The following LCLAT1 variants were observed in gnomAD, a reference collection of about 807,000 sequenced individuals.
The protein encoded by LCLAT1 is lysocardiolipin acyltransferase 1, also known as 1-AGP acyltransferase 8.
Under a neutral mutation model 30.7 loss-of-function variants are expected in LCLAT1, and 11 were observed. The ratio of observed to expected loss-of-function variants is 0.36; its 90% CI spans 0.23 to 0.59. LCLAT1 has a LOEUF of 0.59. Among genes scored for constraint, LCLAT1 ranks in the 20% least tolerant of loss-of-function variants. The pLI is 0.77. For synonymous variants in LCLAT1, 155 were observed against 151.3 expected (o/e 1.02, Z -0.18); for missense variants, 402 against 458.6 (o/e 0.88, Z 1.13).
At chr2:30,460,175 G>A (rs1465432482) in intron 1 of LCLAT1, among the ~76,000 whole-genome samples, 2 of 152,254 alleles carry the variant, frequency 1.3e-5, no homozygotes, top group East Asian at 1.9e-4. Flanking sequence ...GGAGTCCAGC[G>A]GGGGTTCATC....
intron 5 of LCLAT1, among the ~76,000 whole-genome samples, chr2:30,601,594 A>G (rs1667185610): frequency 6.6e-6 from 1 of 152,174 alleles, no homozygotes; most frequent in Non-Finnish European, 1.5e-5. Flanking sequence ...AAATACTTTC[A>G]GTATTCACAT....
At chr2:30,463,094 C>T (rs1682244976) in intron 1 of LCLAT1, among the ~76,000 whole-genome samples, 1 of 151,920 alleles carries the variant, frequency 6.6e-6, no homozygotes. Flanking sequence ...GCAAGATCCT[C>T]TCTCTTAATA....
intron 1 of LCLAT1, among the ~76,000 whole-genome samples, chr2:30,496,681 C>T (rs1572526871): frequency 6.6e-6 from 1 of 152,080 alleles, no homozygotes; most frequent in African/African-American, 2.4e-5. Flanking sequence ...AGTGTTAAGC[C>T]TAGCATCCTC....
chr2:30,458,823 A>C (rs1045532355), intron 1 of LCLAT1, among the ~76,000 whole-genome samples: 1 of 152,200 alleles, frequency 6.6e-6, no homozygotes, highest in African/African-American at 2.4e-5. Context: ...ATTCCCAGCT[A>C]CTATGCCATT....
chr2:30,618,210 C>G lies in LCLAT1; in HGVS notation c.629-21907C>G, dbSNP rs547485246. On this transcript the variant is annotated intron_variant, in intron 5 of 5. Coordinates refer to ENST00000379509, the MANE Select transcript of LCLAT1 (RefSeq NM_001002257.3). ...GAAATGAGCAGCTAATGCCAAGCCT[C>G]CATCTTTTTCTTTTTCAAAATTGTT... Among the ~76,000 whole-genome samples the G allele has an allele frequency of 3.9e-5, 6 of 152,182 alleles. No individual in the cohort carries two copies. The Middle Eastern group carries it at 0.01, about 259-fold the overall frequency.
chr2:30,571,460 C>T (rs1222130915), intron 5 of LCLAT1, among the ~76,000 whole-genome samples: 1 of 152,162 alleles, frequency 6.6e-6, no homozygotes, highest in Admixed American at 6.6e-5. Context: ...GCTTAGTCTT[C>T]AGTAGCATTG....
At chr2:30,487,715 G>C (rs1332707733) in intron 1 of LCLAT1, among the ~76,000 whole-genome samples, 6 of 152,190 alleles carry the variant, frequency 3.9e-5, no homozygotes, top group Non-Finnish European at 5.9e-5. Flanking sequence ...ACATGATGCT[G>C]GTGTTGTAAT....
chr2:30,616,360 C>G (rs957274484), intron 5 of LCLAT1, among the ~76,000 whole-genome samples: 34 of 152,094 alleles, frequency 2.2e-4, no homozygotes, highest in African/African-American at 8.2e-4. Flanking sequence ...GTAATATTTG[C>G]TCTGAGTTTT....
chr2:30,548,149 G>A (rs1477038148), intron 3 of LCLAT1, among the ~76,000 whole-genome samples: 2 of 152,094 alleles, frequency 1.3e-5, no homozygotes. Context: ...TTGCTTGGCC[G>A]AGATGAGTTT....
chr2:30,588,664 G>A lies in LCLAT1; in HGVS notation c.628+20488G>A, dbSNP rs147821077. ...TACAGCCAGCCTGTACTGATGGCAC[G>A]ATCTCAGCTCACTGCAACCTCCGTC... is the stretch of plus-strand genomic sequence containing the variant. On this transcript the variant is annotated intron_variant, in intron 5 of 5. Coordinates refer to ENST00000379509, the MANE Select transcript of LCLAT1 (RefSeq NM_001002257.3). 1.8e-3 allele frequency among the ~76,000 whole-genome samples: 276 copies of A among 152,130 alleles called. 1 individual carries two copies. Among genetic ancestry groups the A allele is most frequent in the African/African-American group, 6.2e-3 (258 of 41,500 alleles).
At chr2:30,614,467 C>A (rs924900310) in intron 5 of LCLAT1, among the ~76,000 whole-genome samples, 13 of 151,916 alleles carry the variant, frequency 8.6e-5, no homozygotes, top group African/African-American at 3.1e-4. Flanking sequence ...TTTGATGGGT[C>A]GGGTGTGGAG....
chr2:30,582,439 G>T (rs973968870), intron 5 of LCLAT1, among the ~76,000 whole-genome samples: 1 of 152,174 alleles, frequency 6.6e-6, no homozygotes, highest in Non-Finnish European at 1.5e-5. Context: ...GATTGTATTT[G>T]TAGGTGATTA....
chr2:30,629,242 A>AT (rs368218770), intron 5 of LCLAT1, among the ~76,000 whole-genome samples: 1 of 152,140 alleles, frequency 6.6e-6, no homozygotes. Flanking sequence ...CAATAAACTT[A>AT]TTTTTTCTCA....
At chr2:30,494,826 A>ATT (rs1315019638) in intron 1 of LCLAT1, among the ~76,000 whole-genome samples, 2 of 140,184 alleles carry the variant, frequency 1.4e-5, no homozygotes, top group African/African-American at 5.2e-5. Context: ...ATCATTTTTA[A>ATT]TTTTTTTTTT....
At chr2:30,586,900 C>G (rs1405140525) in intron 5 of LCLAT1, among the ~76,000 whole-genome samples, 1 of 152,152 alleles carries the variant, frequency 6.6e-6, no homozygotes, top group Non-Finnish European at 1.5e-5. Flanking sequence ...ACCATGCACC[C>G]CTACTCCAAG....
At chr2:30,611,841 C>T (rs1667755406) in intron 5 of LCLAT1, among the ~76,000 whole-genome samples, 2 of 152,104 alleles carry the variant, frequency 1.3e-5, no homozygotes, top group Admixed American at 6.5e-5. Context: ...TGGTCATTTG[C>T]AGAAGAGTTT....
intron 5 of LCLAT1, among the ~76,000 whole-genome samples, chr2:30,638,588 G>A (rs4952004): frequency 6.6e-6 from 1 of 152,148 alleles, no homozygotes; most frequent in Non-Finnish European, 1.5e-5. Flanking sequence ...AGACTCCGCA[G>A]CAACAAGCCG....
intron 5 of LCLAT1, among the ~76,000 whole-genome samples, chr2:30,626,597 ATAAC>A (rs1247314822): frequency 2.6e-5 from 4 of 152,168 alleles, no homozygotes; most frequent in Non-Finnish European, 4.4e-5. Context: ...ATCTTGTCAA[ATAAC>A]TAACTTCTGC....
At chr2:30,615,971 G>T (rs1204258361) in intron 5 of LCLAT1, among the ~76,000 whole-genome samples, 1 of 152,130 alleles carries the variant, frequency 6.6e-6, no homozygotes, top group African/African-American at 2.4e-5. Flanking sequence ...TCCCTACCTT[G>T]GAAATGGGTA....
Sources: allele counts gnomAD v4.1 joint callset (sites outside exome capture counted in the v4.1 genomes callset), GRCh38; gene constraint gnomAD v4.1.1; transcripts MANE v1.5; gene names NCBI Gene and HGNC (gene_info 2026-07-23, HGNC 2026-07-21).